Variants in PDE1A observed in about 807,000 individuals in gnomAD.
PDE1A encodes the protein phosphodiesterase 1A.
A neutral mutation model predicts 61.7 loss-of-function variants in PDE1A; 35 were observed. The observed-to-expected ratio is 0.57, with a 90% CI of 0.43 to 0.75. The LOEUF is 0.75. Ranked by LOEUF, PDE1A falls within the 30% of genes least tolerant of loss-of-function variation. The probability of loss-of-function intolerance (pLI) is 0.00; values close to 1 mark genes in which losing one functional copy is unlikely to be tolerated. For missense variants in PDE1A, 597 were observed against 630.6 expected (o/e 0.95, Z 0.57); for synonymous variants, 232 against 213.2 (o/e 1.09, Z -0.77).
At chr2:182,300,538 T>C (rs929979579) in intron 1 of PDE1A, among the ~76,000 whole-genome samples, 10 of 152,144 alleles carry the variant, frequency 6.6e-5, no homozygotes, top group Admixed American at 6.5e-4. Context: ...GGGCAGAACA[T>C]ATATTTAAGA....
intron 1 of PDE1A, among the ~76,000 whole-genome samples, chr2:182,285,574 T>C (rs1694101279): frequency 1.3e-5 from 2 of 152,088 alleles, no homozygotes. Context: ...ATAACCTTCT[T>C]CTCCTAACCA....
chr2:182,626,981 C>G, the PDE1A span, among the ~76,000 whole-genome samples: 3 of 12,804 alleles, frequency 2.3e-4, no homozygotes, highest in African/African-American at 1.0e-3. Context: ...AAAAAAAAAC[C>G]AAAGGACAAA....
the PDE1A span, among the ~76,000 whole-genome samples, chr2:182,705,430 C>T: frequency 0.014 from 2,189 of 152,222 alleles, 16 homozygotes; most frequent in Middle Eastern, 0.034. Flanking sequence ...AAAACCAAAG[C>T]CATTGATGAA....
chr2:182,711,828 A>G, the PDE1A span, among the ~76,000 whole-genome samples: 4 of 152,250 alleles, frequency 2.6e-5, no homozygotes, highest in Non-Finnish European at 5.9e-5. Context: ...ATTTTAACCC[A>G]TAGAATAAAA....
intron 2 of PDE1A, among the ~76,000 whole-genome samples, chr2:182,460,457 T>G (rs1686207143): frequency 2.6e-5 from 4 of 152,172 alleles, no homozygotes; most frequent in African/African-American, 7.2e-5. Flanking sequence ...CAGGCTTGCC[T>G]CTAACTCCTG....
chr2:182,716,255 G>GC, the PDE1A span: 9 of 152,528 alleles, frequency 5.9e-5, no homozygotes, highest in African/African-American at 1.9e-4. Context: ...GCCAGGCCCC[G>GC]CCCCGGCTCG....
chr2:182,170,246 C>A (rs2125322419), intron 13 of PDE1A, among the ~76,000 whole-genome samples: 1 of 152,104 alleles, frequency 6.6e-6, no homozygotes, highest in African/African-American at 2.4e-5. Context: ...GTGAGCTTCA[C>A]TTTTGTCAGA....
At chr2:182,300,017 T>C (rs1159986043) in intron 1 of PDE1A, among the ~76,000 whole-genome samples, 1 of 152,174 alleles carries the variant, frequency 6.6e-6, no homozygotes, top group East Asian at 1.9e-4. Flanking sequence ...GTGTATCACA[T>C]TGGTGAAGTT....
chr2:182,383,944 C>T (rs1418781100), intron 1 of PDE1A, among the ~76,000 whole-genome samples: 4 of 152,166 alleles, frequency 2.6e-5, no homozygotes, highest in Non-Finnish European at 5.9e-5. Flanking sequence ...TCTATAGTCT[C>T]ATACTCCGTG....
intron 1 of PDE1A, among the ~76,000 whole-genome samples, chr2:182,367,423 C>T (rs899244179): frequency 1.3e-5 from 2 of 151,760 alleles, no homozygotes; most frequent in Non-Finnish European, 2.9e-5. Flanking sequence ...TCATATGTTT[C>T]AAGTTCAAAC....
At chr2:182,184,262 A>G (rs76810175) in intron 13 of PDE1A, among the ~76,000 whole-genome samples, 1 of 9,144 alleles carries the variant, frequency 1.1e-4, no homozygotes, top group Non-Finnish European at 1.8e-4. Context: ...TAGAATACTG[A>G]AAAAAAAAAA....
chr2:182,339,059 TTTCTATATG>T (rs2125021854), intron 1 of PDE1A, among the ~76,000 whole-genome samples: 1 of 152,322 alleles, frequency 6.6e-6, no homozygotes, highest in East Asian at 1.9e-4. Context: ...AGATGTTTTT[TTTCTATATG>T]TTTACAAAAG....
the PDE1A span, among the ~76,000 whole-genome samples, chr2:182,645,198 G>A: frequency 1.2e-4 from 18 of 152,198 alleles, no homozygotes; most frequent in African/African-American, 3.4e-4. Context: ...ATGTTAGCCA[G>A]GATGATCTCT....
chr2:182,260,084 C>CA (rs756615870), intron 2 of PDE1A, among the ~76,000 whole-genome samples: 3 of 152,102 alleles, frequency 2.0e-5, no homozygotes, highest in Non-Finnish European at 4.4e-5. Context: ...TTTTTCTCAC[C>CA]AAAATCATCT....
chr2:182,303,340 A>G (rs756732125), intron 1 of PDE1A, among the ~76,000 whole-genome samples: 2 of 152,214 alleles, frequency 1.3e-5, no homozygotes, highest in Non-Finnish European at 2.9e-5. Context: ...TGAAAATAAT[A>G]TTAATTGTAT....
chr2:182,219,503 A>G (rs1405336320), intron 7 of PDE1A, among the ~76,000 whole-genome samples: 1 of 152,140 alleles, frequency 6.6e-6, no homozygotes, highest in Non-Finnish European at 1.5e-5. Context: ...ACTCGTTCAT[A>G]TAAGTTGGCA....
At chr2:182,285,631 A>G (rs548937553) in intron 1 of PDE1A, among the ~76,000 whole-genome samples, 45 of 152,272 alleles carry the variant, frequency 3.0e-4, no homozygotes, top group African/African-American at 1.0e-3. Flanking sequence ...ACTTTGGCCA[A>G]TGGAAAGTCA....
intron 1 of PDE1A, among the ~76,000 whole-genome samples, chr2:182,390,166 G>C (rs1651526653): frequency 6.6e-6 from 1 of 152,142 alleles, no homozygotes; most frequent in Admixed American, 6.5e-5. Flanking sequence ...TCCCTCTAGA[G>C]AATCTAGACT....
chr2:182,554,431 G>A, the PDE1A span, among the ~76,000 whole-genome samples: 1 of 152,124 alleles, frequency 6.6e-6, no homozygotes. Flanking sequence ...TCCATCTGAT[G>A]TTGGAAGCCT....
Sources: gnomAD v4.1 joint callset for allele counts (sites outside exome capture counted in the v4.1 genomes callset) on GRCh38, gnomAD v4.1.1 for gene constraint, MANE v1.5 for transcripts, NCBI Gene and HGNC (gene_info 2026-07-23, HGNC 2026-07-21) for gene names.